CCDC171: variants seen among roughly 807,000 people sequenced by gnomAD.
The protein encoded by CCDC171 is coiled-coil domain-containing protein 171.
In CCDC171, 177 loss-of-function variants were observed where a neutral mutation model predicts 168.2. That is an observed-to-expected ratio of 1.05 (90% CI 0.93 to 1.19). The LOEUF is 1.19. CCDC171 is among the 50% of genes most tolerant of loss of function. The pLI is 0.00. For missense variants in CCDC171, 1,991 were observed against 1,539.0 expected (o/e 1.29, Z -4.91); for synonymous variants, 687 against 540.8 (o/e 1.27, Z -3.75).
chr9:15,640,645 A>T (rs902605747), intron 7 of CCDC171, among the ~76,000 whole-genome samples: 3 of 152,180 alleles, frequency 2.0e-5, no homozygotes, highest in East Asian at 3.8e-4. Context: ...AAAAGCCAAC[A>T]TTGAAGGTCA....
intron 18 of CCDC171, among the ~76,000 whole-genome samples, chr9:15,766,848 A>T (rs1298301527): frequency 6.6e-6 from 1 of 151,988 alleles, no homozygotes. Context: ...TTTTGTAGAG[A>T]TGGGAGTCTT....
chr9:15,913,116 C>G (rs1464699758), intron 24 of CCDC171, among the ~76,000 whole-genome samples: 1 of 152,148 alleles, frequency 6.6e-6, no homozygotes, highest in Non-Finnish European at 1.5e-5. Context: ...AGGAATGGTC[C>G]AGCTCCTTTT....
chr9:15,975,414 A>C (rs574918592), downstream of CCDC171, among the ~76,000 whole-genome samples: 8 of 152,206 alleles, frequency 5.3e-5, no homozygotes, highest in African/African-American at 1.9e-4. Context: ...GCTAGGAATA[A>C]TTTTGATAAG....
chr9:15,706,983 T>A (rs1478333796), intron 11 of CCDC171, among the ~76,000 whole-genome samples: 3 of 152,196 alleles, frequency 2.0e-5, no homozygotes, highest in Non-Finnish European at 4.4e-5. Flanking sequence ...CCTGCTTTAC[T>A]TCTTTCATAA....
At chr9:15,909,394 A>T (rs899037361) in intron 24 of CCDC171, among the ~76,000 whole-genome samples, 1 of 72,906 alleles carries the variant, frequency 1.4e-5, no homozygotes, top group Non-Finnish European at 3.0e-5. Flanking sequence ...ATTCATGTAC[A>T]TGTGCGTACA....
At chr9:15,727,129 G>A (rs960953355) in intron 14 of CCDC171, among the ~76,000 whole-genome samples, 1 of 152,134 alleles carries the variant, frequency 6.6e-6, no homozygotes, top group Non-Finnish European at 1.5e-5. Flanking sequence ...ATTTTCGAAA[G>A]TATGTAATGA....
chr9:15,859,819 C>T (rs933372037), intron 23 of CCDC171, among the ~76,000 whole-genome samples: 1 of 151,648 alleles, frequency 6.6e-6, no homozygotes, highest in Admixed American at 6.6e-5. Flanking sequence ...GCCACCAAAT[C>T]CTGCTAATTT....
the CCDC171 span, among the ~76,000 whole-genome samples, chr9:16,107,496 T>A: frequency 4.6e-5 from 7 of 152,278 alleles, no homozygotes; most frequent in East Asian, 1.4e-3. Context: ...GTTCCCCAAA[T>A]GCTAATATTT....
rs972791405 is a variant in CCDC171 at position 15,887,613 on chromosome 9, G to A, written c.3600+12950G>A. Among the ~76,000 whole-genome samples, 8 of 152,054 alleles carry A rather than the reference G, an allele frequency of 5.3e-5. No homozygotes were observed. The East Asian group carries it at 1.2e-3, about 22-fold the overall frequency. ...AGAGAACGCACTCAAATTTCTACACGTTTGTAGACACTAAGCCAAAACCCA... is the reference window on the plus strand; with the variant it reads ...AGAGAACGCACTCAAATTTCTACACATTTGTAGACACTAAGCCAAAACCCA... On this transcript the variant is annotated intron_variant, in intron 24 of 25. Coordinates refer to ENST00000380701, the MANE Select transcript of CCDC171 (RefSeq NM_173550.4).
intron 7 of CCDC171, among the ~76,000 whole-genome samples, chr9:15,634,270 A>C (rs1207589685): frequency 2.6e-5 from 4 of 152,180 alleles, no homozygotes; most frequent in Non-Finnish European, 5.9e-5. Flanking sequence ...ATATAATTTG[A>C]ATAATAAAAA....
At chr9:15,734,727 G>A (rs1468691550) in intron 16 of CCDC171, among the ~76,000 whole-genome samples, 1 of 151,862 alleles carries the variant, frequency 6.6e-6, no homozygotes, top group African/African-American at 2.4e-5. Context: ...ATTTTGTTAT[G>A]ATTAATTCTA....
chr9:15,865,326 T>C (rs1245290528), intron 23 of CCDC171, among the ~76,000 whole-genome samples: 2 of 151,892 alleles, frequency 1.3e-5, no homozygotes, highest in Non-Finnish European at 1.5e-5. Context: ...GAAACAAATA[T>C]ACATACATAC....
At chr9:15,603,947 G>T (rs1160781863) in intron 6 of CCDC171, among the ~76,000 whole-genome samples, 3 of 152,084 alleles carry the variant, frequency 2.0e-5, no homozygotes, top group African/African-American at 4.8e-5. Flanking sequence ...TTGCCATTCT[G>T]ACTGGCCTGA....
chr9:15,940,026 A>T (rs1827542504), intron 25 of CCDC171, among the ~76,000 whole-genome samples: 1 of 151,946 alleles, frequency 6.6e-6, no homozygotes, highest in Non-Finnish European at 1.5e-5. Flanking sequence ...CAACAAAAAT[A>T]CTTTTGCTTT....
rs905864865 is a variant in CCDC171, at chr9:15,931,713, C to T, written c.3753+11291C>T. Among the ~76,000 whole-genome samples the T allele has an allele frequency of 3.3e-5, 5 of 151,462 alleles. No homozygotes were observed. The Middle Eastern group carries it at 0.01, about 311-fold the overall frequency. On this transcript the variant is annotated intron_variant, in intron 25 of 25. Transcript: ENST00000380701. The stretch of plus-strand genomic sequence containing the variant: ...TCTTCCCCAACCCAATATCATGAAG[C>T]ATTTCTCCTATGTTTTCTTCTAGTG...
chr9:15,896,518 G>T (rs1002088259), intron 24 of CCDC171, among the ~76,000 whole-genome samples: 10 of 152,128 alleles, frequency 6.6e-5, no homozygotes, highest in Non-Finnish European at 1.3e-4. Flanking sequence ...TCTTTTTCTT[G>T]TATAAAATAA....
At chr9:15,625,709 G>T (rs1003718900) in intron 7 of CCDC171, among the ~76,000 whole-genome samples, 7 of 152,150 alleles carry the variant, frequency 4.6e-5, no homozygotes, top group Non-Finnish European at 1.0e-4. Flanking sequence ...ATGCTGTTTT[G>T]GTTACTGTAG....
At chr9:15,778,330 A>ATAAAAAATAAAAAAT (rs1564389632) in intron 19 of CCDC171, among the ~76,000 whole-genome samples, 4 of 120,728 alleles carry the variant, frequency 3.3e-5, no homozygotes, top group African/African-American at 1.3e-4. Context: ...AAAAAAAAAA[A>ATAAAAAATAAAAAAT]AAAAAAAAAA....
At chr9:15,698,504 G>T (rs551961063) in intron 11 of CCDC171, among the ~76,000 whole-genome samples, 1 of 127,614 alleles carries the variant, frequency 7.8e-6, no homozygotes, top group East Asian at 2.2e-4. Context: ...CTGGGCAACA[G>T]AGCAAGACCC....
Sources: gnomAD v4.1 joint callset for allele counts (sites outside exome capture counted in the v4.1 genomes callset) on GRCh38, gnomAD v4.1.1 for gene constraint, MANE v1.5 for transcripts, NCBI Gene and HGNC (gene_info 2026-07-23, HGNC 2026-07-21) for gene names.